SVIL: variants seen among roughly 807,000 people sequenced by gnomAD.
SVIL encodes the protein supervillin.
SVIL carries 101 observed loss-of-function variants against 240.4 expected under a neutral mutation model. That is an observed-to-expected ratio of 0.42 (90% CI 0.36 to 0.50). SVIL has a LOEUF of 0.50. Among genes scored for constraint, SVIL ranks in the 20% least tolerant of loss-of-function variants. The pLI is 0.01. For missense variants in SVIL, 2,512 were observed against 2,818.7 expected, an observed-to-expected ratio of 0.89 and a Z score of 2.46; for synonymous variants, 999 against 1,100.0, an observed-to-expected ratio of 0.91 and a Z score of 1.82.
At chr10:29,485,853 C>T (rs1947342314) in intron 26 of SVIL, among the ~76,000 whole-genome samples, 1 of 152,176 alleles carries the variant, frequency 6.6e-6, no homozygotes, top group Non-Finnish European at 1.5e-5. Flanking sequence ...GATATAAAAG[C>T]CTTCAATGAT....
At chr10:29,548,951 C>T (rs1423537277) in intron 6 of SVIL, among the ~76,000 whole-genome samples, 3 of 152,148 alleles carry the variant, frequency 2.0e-5, no homozygotes, top group African/African-American at 7.2e-5. Flanking sequence ...AAGACATAGG[C>T]ATGGGCAAGG....
intron 2 of SVIL, among the ~76,000 whole-genome samples, chr10:29,685,382 A>T (rs1305743100): frequency 6.6e-6 from 1 of 152,224 alleles, no homozygotes; most frequent in Non-Finnish European, 1.5e-5. Context: ...TGTGATGAAC[A>T]TATGTGTACA....
In SVIL at chr10:29,533,770, G is replaced by A. The variant is rs115061604; in HGVS notation, c.909-312C>T. ...ATACCCAGAAGCCACAGAAAAATGCGTTAATATCCACCACCAGCATGCATT... is the reference window on the plus strand; with the variant it reads ...ATACCCAGAAGCCACAGAAAAATGCATTAATATCCACCACCAGCATGCATT... On this transcript the variant is annotated intron_variant, in intron 7 of 37. Coordinates refer to ENST00000355867, the MANE Select transcript of SVIL (RefSeq NM_021738.3). Among the ~76,000 whole-genome samples, 1,390 of 152,272 alleles carry A rather than the reference G, an allele frequency of 9.1e-3. 20 individuals are homozygous for A. Among genetic ancestry groups the A allele is most frequent in the African/African-American group, 0.032 (1,327 of 41,546 alleles).
At chr10:29,530,760 T>G (rs764542720) in intron 10 of SVIL, 92 bp from the exon 11 acceptor site, 246 of 1,366,614 alleles carry the variant, frequency 1.8e-4, no homozygotes, top group Non-Finnish European at 2.3e-4. Context: ...TGGAAATCTT[T>G]GAATACAACA....
chr10:29,470,495 A>AC lies in SVIL; in HGVS notation c.5636-13dup. Reference sequence around the variant, plus strand: ...CAGCCGCCACTCACCTGCAGGGGGCACCGGCGGCGCGGAGGAGTTAGCACG... The same window carrying AC: ...CAGCCGCCACTCACCTGCAGGGGGCACCCGGCGGCGCGGAGGAGTTAGCACG... On this transcript the variant is annotated splice_polypyrimidine_tract_variant and intron_variant, in intron 31 of 37. Transcript: ENST00000355867. The AC allele has an allele frequency of 2.5e-6, 4 of 1,613,886 alleles. No individual in the cohort carries two copies. Among genetic ancestry groups the AC allele is most frequent in the Non-Finnish European group, 3.4e-6 (4 of 1,180,002 alleles).
At chr10:29,523,387 G>A in intron 15 of SVIL, 64 bp downstream of exon 15, 1 of 1,456,132 alleles carries the variant, frequency 6.9e-7, no homozygotes, top group South Asian at 1.4e-5. Context: ...ATAGACACAG[G>A]ACAAATCAAG....
Position 29,606,901 on chromosome 10 carries a change from C to T in SVIL, c.-201+27519G>A, listed in dbSNP as rs368645040. 1.2e-4 allele frequency among the ~76,000 whole-genome samples: 19 copies of T among 152,238 alleles called. No homozygotes were observed. The East Asian group carries it at 2.9e-3, about 23-fold the overall frequency. ...TCCCAAGCAGCTGGGATTACAGCCA[C>T]GTGCCACCACACCCGGCTAATTTTT... On this transcript the variant is annotated intron_variant, in intron 1 of 37. Coordinates refer to ENST00000355867, the MANE Select transcript of SVIL (RefSeq NM_021738.3).
At position 29,532,621 on chromosome 10, in the gene SVIL, AT is replaced by A; in HGVS notation, c.1745del (p.Tyr582LeufsTer79). On this transcript the variant is annotated frameshift_variant, in exon 8 of 38. Coordinates refer to ENST00000355867, the MANE Select transcript of SVIL (RefSeq NM_021738.3). LOFTEE classifies it high-confidence loss of function. ...ELPSSKTEGPYGEISMLDTKV... is the reference protein window; with the variant it reads ...ELPSSKTEGPXGEISMLDTKV... The stretch of plus-strand genomic sequence containing the variant: ...TTGTGTCCAGCATGCTGATCTCCCC[AT>A]AAGGCCCTTCGGTCTTGGAGCTGGG... 6.2e-7 allele frequency: 1 copy of A among 1,614,052 alleles called. No homozygotes were observed. The highest frequency in any genetic ancestry group is 2.2e-5 in the East Asian group (1 of 44,854).
chr10:29,467,649 T>C lies in SVIL; in HGVS notation c.5977+93A>G, dbSNP rs1945077769. On this transcript the variant is annotated intron_variant, in intron 33 of 37. Transcript: ENST00000355867. ...TTGAAGCTGCAGTGAGCTGTGATCA[T>C]ACCACTATACTCCAGCCTGGATAAC... 4.0e-6 allele frequency: 6 copies of C among 1,516,218 alleles called. No homozygotes were observed. The South Asian group carries it at 5.1e-5, about 13-fold the overall frequency. The allele number at this position is 1,516,218 out of a possible 1,614,324, so 93.9% of individuals were successfully genotyped here. A position where few individuals can be genotyped will look rare whatever the true frequency, so the allele number is the denominator to read the frequency against.
chr10:29,485,613 G>A lies in SVIL; in HGVS notation c.4779+472C>T, dbSNP rs185847685. Among the ~76,000 whole-genome samples the A allele has an allele frequency of 1.8e-3, 277 of 152,182 alleles. 1 individual carries two copies. The highest frequency in any genetic ancestry group is 3.6e-3 in the Non-Finnish European group (244 of 68,022). Reference sequence around the variant, plus strand: ...CACCCAATTAAACTTAAGGGCCTGCGTGTCTTCCACTTTCTCAACACTTAG... The same window carrying A: ...CACCCAATTAAACTTAAGGGCCTGCATGTCTTCCACTTTCTCAACACTTAG... On this transcript the variant is annotated intron_variant, in intron 26 of 37. Coordinates refer to ENST00000355867, the MANE Select transcript of SVIL (RefSeq NM_021738.3).
At position 29,691,676 on chromosome 10, in the gene SVIL, G is replaced by A. The variant is rs147405112; in HGVS notation, c.-399-5025C>T. Among the ~76,000 whole-genome samples the A allele has an allele frequency of 1.7e-4, 26 of 152,276 alleles. No homozygotes were observed. In the East Asian group the frequency reaches 4.8e-3, roughly 28 times the overall value. On this transcript the variant is annotated intron_variant, in intron 1 of 35. Transcript: ENST00000375400. The stretch of plus-strand genomic sequence containing the variant: ...TGCCAAATTTGCTTATCTCTCAAAT[G>A]AGTGTAAATTTATGGCTCAGGATTA...
At chr10:29,648,840 C>T (rs1204439665) in intron 3 of SVIL, among the ~76,000 whole-genome samples, 2 of 151,358 alleles carry the variant, frequency 1.3e-5, no homozygotes, top group Non-Finnish European at 2.9e-5. Flanking sequence ...ATTCTAAAAG[C>T]AGGGTTTGTT....
At chr10:29,647,211 C>T (rs1021242304) in intron 3 of SVIL, 1 of 152,212 alleles carries the variant, frequency 6.6e-6, no homozygotes, top group African/African-American at 2.4e-5. Flanking sequence ...AGAAGTACAC[C>T]AAAGCTCCCG....
chr10:29,606,191 G>C (rs1957014843), intron 1 of SVIL, among the ~76,000 whole-genome samples: 1 of 151,908 alleles, frequency 6.6e-6, no homozygotes, highest in Non-Finnish European at 1.5e-5. Flanking sequence ...TTACAGGCGT[G>C]CGCCACAGCT....
chr10:29,560,616 C>T (rs1375003890), intron 3 of SVIL, among the ~76,000 whole-genome samples: 4 of 151,944 alleles, frequency 2.6e-5, no homozygotes, highest in Non-Finnish European at 5.9e-5. Flanking sequence ...ATAAACTTCT[C>T]ACACATAAAA....
chr10:29,675,643 T>G (rs1304179073), intron 2 of SVIL, among the ~76,000 whole-genome samples: 1 of 152,214 alleles, frequency 6.6e-6, no homozygotes, highest in Non-Finnish European at 1.5e-5. Flanking sequence ...CAAACCGTGT[T>G]ACATCTTCAC....
At chr10:29,506,358 T>G (rs1949272643) in intron 17 of SVIL, among the ~76,000 whole-genome samples, 1 of 152,104 alleles carries the variant, frequency 6.6e-6, no homozygotes, top group African/African-American at 2.4e-5. Flanking sequence ...CAACCAGCAT[T>G]TCCAGCTTCG....
At chr10:29,669,603 T>G (rs746694788) in intron 2 of SVIL, among the ~76,000 whole-genome samples, 1 of 152,116 alleles carries the variant, frequency 6.6e-6, no homozygotes, top group Non-Finnish European at 1.5e-5. Context: ...TGGAGCTCTA[T>G]AGGAGGCCCC....
intron 3 of SVIL, among the ~76,000 whole-genome samples, chr10:29,557,271 T>C (rs1454115658): frequency 1.4e-5 from 2 of 141,886 alleles, no homozygotes; most frequent in African/African-American, 5.4e-5. Context: ...AGCTTTTGGT[T>C]GTCTTTTGTG....
Sources: gnomAD v4.1 joint callset for allele counts (sites outside exome capture counted in the v4.1 genomes callset) on GRCh38, gnomAD v4.1.1 for gene constraint, MANE v1.5 for transcripts, NCBI Gene and HGNC (gene_info 2026-07-23, HGNC 2026-07-21) for gene names.